Variants in WDR37 observed in about 807,000 individuals in gnomAD.
WDR37 encodes WD repeat domain 37, also known as WD repeat-containing protein 37.
In WDR37, 19 loss-of-function variants were observed where a neutral mutation model predicts 62.9. The observed-to-expected ratio is 0.30, with a 90% CI of 0.21 to 0.44. The LOEUF (loss-of-function observed/expected upper bound fraction) is 0.44, where lower values mean the gene tolerates loss of function less well. Among genes scored for constraint, WDR37 ranks in the 20% least tolerant of loss-of-function variants. WDR37 has a pLI of 1.00. For synonymous variants in WDR37, 250 were observed against 260.9 expected (o/e 0.96, Z 0.40); for missense variants, 474 against 657.6 (o/e 0.72, Z 3.05).
At chr10:1,066,016 C>T (rs1448421453) in intron 1 of WDR37, among the ~76,000 whole-genome samples, 2 of 38,506 alleles carry the variant, frequency 5.2e-5, no homozygotes, top group Non-Finnish European at 1.1e-4. Flanking sequence ...TGTATTTATA[C>T]TAGCAATTAA....
intron 13 of WDR37, among the ~76,000 whole-genome samples, chr10:1,128,142 G>A (rs1203885006): frequency 6.6e-6 from 1 of 152,138 alleles, no homozygotes; most frequent in Non-Finnish European, 1.5e-5. Context: ...AGCTATTGTG[G>A]TTCTCTCTCC....
chr10:1,106,139 A>C (rs1444175283), intron 11 of WDR37, among the ~76,000 whole-genome samples: 1 of 152,094 alleles, frequency 6.6e-6, no homozygotes, highest in Non-Finnish European at 1.5e-5. Context: ...TCCTTCCCCC[A>C]GTCTGGCCCT....
chr10:1,110,935 G>A (rs759271343), intron 11 of WDR37, among the ~76,000 whole-genome samples: 3 of 152,238 alleles, frequency 2.0e-5, no homozygotes, highest in Non-Finnish European at 4.4e-5. Context: ...TAGCTCTGCC[G>A]GTTTTACAGG....
At chr10:1,108,729 C>T (rs3886474) in intron 11 of WDR37, among the ~76,000 whole-genome samples, 5,359 of 120,940 alleles carry the variant, frequency 0.044, 189 homozygotes, top group East Asian at 0.065. Context: ...TTGGTTTTGG[C>T]TTCTGTGATG....
chr10:1,083,961 A>G (rs867942344), intron 5 of WDR37, among the ~76,000 whole-genome samples: 1 of 152,238 alleles, frequency 6.6e-6, no homozygotes. Flanking sequence ...AAATGTGAAC[A>G]TGTACAGCGA....
intron 11 of WDR37, among the ~76,000 whole-genome samples, chr10:1,122,259 C>T (rs936573779): frequency 1.3e-5 from 2 of 152,140 alleles, no homozygotes; most frequent in East Asian, 3.9e-4. Context: ...GACAAGAGGA[C>T]ACTTCCTTCA....
chr10:1,075,351 A>G (rs1279138706), intron 2 of WDR37, among the ~76,000 whole-genome samples: 1 of 148,994 alleles, frequency 6.7e-6, no homozygotes, highest in Non-Finnish European at 1.5e-5. Context: ...TTACGTAGGT[A>G]TACATGTGCC....
chr10:1,068,556 A>G (rs1325464469), intron 1 of WDR37, among the ~76,000 whole-genome samples: 1 of 152,168 alleles, frequency 6.6e-6, no homozygotes, highest in African/African-American at 2.4e-5. Flanking sequence ...TTTCTCATGT[A>G]TGACAAATTT....
chr10:1,058,185 CGT>C (rs1405591619), intron 1 of WDR37, among the ~76,000 whole-genome samples: 1 of 152,234 alleles, frequency 6.6e-6, no homozygotes. Flanking sequence ...AGTAGGGACT[CGT>C]GTGCACTGGC....
At chr10:1,077,609 G>A (rs1316181606) in intron 2 of WDR37, among the ~76,000 whole-genome samples, 1 of 152,104 alleles carries the variant, frequency 6.6e-6, no homozygotes, top group African/African-American at 2.4e-5. Flanking sequence ...TCCAAATTTG[G>A]AAGTTTTAAA....
At chr10:1,068,313 C>T (rs1833616400) in intron 1 of WDR37, among the ~76,000 whole-genome samples, 1 of 150,132 alleles carries the variant, frequency 6.7e-6, no homozygotes, top group African/African-American at 2.5e-5. Context: ...AACCCCGTCT[C>T]TACTAAAAAT....
chr10:1,062,652 TCTC>T (rs1046483066), intron 1 of WDR37, among the ~76,000 whole-genome samples: 57 of 152,306 alleles, frequency 3.7e-4, no homozygotes, highest in African/African-American at 1.3e-3. Context: ...AAGACTTACT[TCTC>T]CTTTAAAAAT....
At chr10:1,058,913 A>G (rs1256049944) in intron 1 of WDR37, among the ~76,000 whole-genome samples, 1 of 152,270 alleles carries the variant, frequency 6.6e-6, no homozygotes, top group Non-Finnish European at 1.5e-5. Flanking sequence ...TTTTAATGCC[A>G]CATGGACATT....
chr10:1,070,943 G>A (rs1833708722), intron 1 of WDR37, among the ~76,000 whole-genome samples: 1 of 152,200 alleles, frequency 6.6e-6, no homozygotes, highest in Non-Finnish European at 1.5e-5. Context: ...ATGTGTGTCT[G>A]CACCTGGTAA....
intron 1 of WDR37, among the ~76,000 whole-genome samples, chr10:1,069,389 A>ATATATATATATATATTTTTTTTTTT: frequency 7.3e-5 from 7 of 95,776 alleles, no homozygotes; most frequent in African/African-American, 2.8e-4. Flanking sequence ...ATATATATAT[A>ATATATATATATATATTTTTTTTTTT]TTTTTTTTTT....
At position 1,090,012 on chromosome 10, in the gene WDR37, G is replaced by C. The variant is rs538231270; in HGVS notation, c.605-3440G>C. On this transcript the variant is annotated intron_variant, in intron 7 of 13. Transcript: ENST00000263150. ...GACGGAGTCTCACTATGTCACCCAG[G>C]CTGAAGTGCAGTGGTGCAATCTTCA... Among the ~76,000 whole-genome samples the C allele has an allele frequency of 1.7e-4, 26 of 152,284 alleles. No homozygotes were observed. In the South Asian group the frequency reaches 5.0e-3, roughly 29 times the overall value.
At chr10:1,112,883 A>C (rs1835259095) in intron 11 of WDR37, among the ~76,000 whole-genome samples, 1 of 152,246 alleles carries the variant, frequency 6.6e-6, no homozygotes, top group Admixed American at 6.5e-5. Flanking sequence ...CCATAACATG[A>C]GAGTGCAAGG....
intron 9 of WDR37, 101 bp downstream of exon 9, chr10:1,096,347 C>G (rs1834575399): frequency 3.7e-6 from 5 of 1,362,538 alleles, no homozygotes; most frequent in Non-Finnish European, 4.2e-6. Flanking sequence ...TTGTGTCCCC[C>G]CAAGTTCAGT....
intron 9 of WDR37, among the ~76,000 whole-genome samples, chr10:1,097,277 C>T (rs950115707): frequency 9.9e-5 from 15 of 152,128 alleles, no homozygotes; most frequent in African/African-American, 3.6e-4. Context: ...GACAGGGAGG[C>T]GAGTGTGGGT....
Sources: allele counts gnomAD v4.1 joint callset (sites outside exome capture counted in the v4.1 genomes callset), GRCh38; gene constraint gnomAD v4.1.1; transcripts MANE v1.5; gene names NCBI Gene and HGNC (gene_info 2026-07-23, HGNC 2026-07-21).